Variants in MTARC1 observed in about 807,000 individuals in gnomAD.
The protein encoded by MTARC1 is mitochondrial amidoxime-reducing component 1.
In MTARC1, 24 loss-of-function variants were observed where a neutral mutation model predicts 33.6. The ratio of observed to expected loss-of-function variants is 0.72; its 90% confidence interval spans 0.52 to 1.01. The LOEUF is 1.01. MTARC1 is among the 50% of genes least tolerant of loss of function. The pLI, the probability that MTARC1 is intolerant of heterozygous loss-of-function variation, is 0.00. For missense variants in MTARC1, 417 were observed against 445.7 expected (o/e 0.94, Z 0.58); for synonymous variants, 187 against 189.5 (o/e 0.99, Z 0.11).
At chr1:220,799,872 A>G (rs1466441542) in intron 4 of MTARC1, among the ~76,000 whole-genome samples, 1 of 152,236 alleles carries the variant, frequency 6.6e-6, no homozygotes, top group Non-Finnish European at 1.5e-5. Flanking sequence ...GGCAGTTTCA[A>G]TGACTCCCTC....
rs1673310316 is a variant in MTARC1, at chr1:220,817,710, C to T, written c.*4292C>T. 1 of 152,442 alleles carries T rather than the reference C, an allele frequency of 6.6e-6. No homozygotes were observed. The highest frequency in any genetic ancestry group is 1.5e-5 in the Non-Finnish European group (1 of 68,278). The allele number at this position is 152,442 out of a possible 1,614,324, so 9.4% of individuals were successfully genotyped here. A position where few individuals can be genotyped will look rare whatever the true frequency, so the allele number is the denominator to read the frequency against. On this transcript the variant is annotated 3_prime_UTR_variant, in exon 7 of 7. Coordinates refer to ENST00000366910, the MANE Select transcript of MTARC1 (RefSeq NM_022746.4). The stretch of plus-strand genomic sequence containing the variant: ...ACCCAGGAAGTCCAGCTGGCTTCAC[C>T]TCTCACTGGGACTACAGGTGCACAC...
rs758011445 is a variant in MTARC1 at position 220,797,879 on chromosome 1, T to C, written c.618T>C (p.Ala206=). ...AATGTCTATTTCCTTATCAGATTGC[T>C]TACTCAGACACCAGCCCATTCTTGA... ...ADLFRPKDQI[A]YSDTSPFLIL... is the part of the protein sequence containing the mutation. The change falls in exon 4 of 7, where the codon GCT becomes GCC. Residue 206 remains alanine, a synonymous_variant. Transcript: ENST00000366910. The C allele has an allele frequency of 1.2e-6, 2 of 1,614,200 alleles. No individual in the cohort carries two copies. The highest frequency in any genetic ancestry group is 3.3e-5 in the Admixed American group (2 of 60,032).
rs1240553398 is a variant in MTARC1, at chr1:220,798,992, A to G, written c.753+978A>G. On this transcript the variant is annotated intron_variant, in intron 4 of 6. Transcript: ENST00000366910. Reference sequence around the variant, plus strand: ...ACCAGAAGATGTGACGGCTGGTTTCAGCTTCTGCACTGGCTTCTGCATGAC... The same window carrying G: ...ACCAGAAGATGTGACGGCTGGTTTCGGCTTCTGCACTGGCTTCTGCATGAC... 7.1e-6 allele frequency: 7 copies of G among 985,264 alleles called. No homozygotes were observed. In the African/African-American group the frequency reaches 1.2e-4, roughly 17 times the overall value. The allele number at this position is 985,264 out of a possible 1,614,324, so 61.0% of individuals were successfully genotyped here.
Position 220,817,555 on chromosome 1 carries a change from C to T in MTARC1, c.*4137C>T, listed in dbSNP as rs143480582. The stretch of plus-strand genomic sequence containing the variant: ...GCATTTACAATCCTTTAGCTAGACA[C>T]AGAGTGCCGATTGGTGAGTTTTTAC... On this transcript the variant is annotated 3_prime_UTR_variant, in exon 7 of 7. Transcript: ENST00000366910. The T allele has an allele frequency of 1.1e-5, 1 of 92,530 alleles. No homozygotes were observed. The highest frequency in any genetic ancestry group is 3.2e-5 in the African/African-American group (1 of 31,430). The allele number at this position is 92,530 out of a possible 1,614,324, so 5.7% of individuals were successfully genotyped here.
At chr1:220,806,726 G>A (rs774488389) in intron 6 of MTARC1, among the ~76,000 whole-genome samples, 31 of 152,338 alleles carry the variant, frequency 2.0e-4, no homozygotes, top group Middle Eastern at 3.4e-3. Context: ...GCATGAGGCT[G>A]TGGCCTGACC....
At chr1:220,804,936 C>A in intron 4 of MTARC1, 116 bp from the exon 5 acceptor site, 30 of 1,096,444 alleles carry the variant, frequency 2.7e-5, no homozygotes, top group Non-Finnish European at 4.1e-5. Flanking sequence ...GAACAGAAGG[C>A]TGCCATCACT....
rs6669217 is a variant in MTARC1, at chr1:220,796,562, C to A, written c.450-81C>A. 4,299 of 1,430,118 alleles carry A rather than the reference C, an allele frequency of 3.0e-3. 47 individuals are homozygous for A. The African/African-American group carries it at 0.036, about 12-fold the overall frequency. 88.6% of individuals were successfully genotyped at this position (1,430,118 alleles called of 1,614,324 possible). ...ACAGTAATGTTACAGCTAGGAGCAG[C>A]TTTTCTGATATAGCTGGCACATATT... is the stretch of plus-strand genomic sequence containing the variant. On this transcript the variant is annotated intron_variant, in intron 2 of 6. Transcript: ENST00000366910.
chr1:220,804,560 C>T (rs993484302), intron 4 of MTARC1, among the ~76,000 whole-genome samples: 1 of 152,090 alleles, frequency 6.6e-6, no homozygotes, highest in Admixed American at 6.6e-5. Context: ...GGCTGCTGGT[C>T]CTGCTCCTGA....
intron 4 of MTARC1, among the ~76,000 whole-genome samples, chr1:220,803,167 G>A (rs1167084439): frequency 2.6e-5 from 4 of 152,324 alleles, no homozygotes; most frequent in Non-Finnish European, 1.5e-5. Flanking sequence ...CATGGCAGAA[G>A]GTGAAGGAGA....
chr1:220,791,464 A>G, intron 1 of MTARC1, 27 bp from the exon 2 acceptor site: 1 of 1,611,412 alleles, frequency 6.2e-7, no homozygotes, highest in Non-Finnish European at 8.5e-7. Flanking sequence ...AATGGTTCAC[A>G]CATATCCTGT....
In MTARC1 at chr1:220,818,735, G is replaced by A. The variant is rs1388419456; in HGVS notation, c.*5317G>A. The A allele has an allele frequency of 6.6e-6, 1 of 152,144 alleles. No homozygotes were observed. Among genetic ancestry groups the A allele is most frequent in the Non-Finnish European group, 1.5e-5 (1 of 68,024 alleles). 9.4% of individuals were successfully genotyped at this position (152,144 alleles called of 1,614,324 possible). A position where few individuals can be genotyped will look rare whatever the true frequency, so the allele number is the denominator to read the frequency against. ...CTGGGAGTACTGTAAATAAACTATT[G>A]TTGTTATAATTATTTCTGATTAACA... is the stretch of plus-strand genomic sequence containing the variant. On this transcript the variant is annotated 3_prime_UTR_variant, in exon 7 of 7. Coordinates refer to ENST00000366910, the MANE Select transcript of MTARC1 (RefSeq NM_022746.4).
At chr1:220,813,160 C>G (rs550908855) in intron 6 of MTARC1, 132 bp from the exon 7 acceptor site, 1 of 1,228,144 alleles carries the variant, frequency 8.1e-7, no homozygotes, top group East Asian at 2.3e-5. Context: ...AGGCGCTGTT[C>G]TGTTGAGCTT....
At chr1:220,799,710 T>A (rs992454864) in intron 4 of MTARC1, among the ~76,000 whole-genome samples, 3 of 152,130 alleles carry the variant, frequency 2.0e-5, no homozygotes, top group Non-Finnish European at 2.9e-5. Context: ...ACCCCAATTG[T>A]ACAAGGCCAG....
At chr1:220,808,020 T>G (rs1044492762) in intron 6 of MTARC1, among the ~76,000 whole-genome samples, 2 of 152,128 alleles carry the variant, frequency 1.3e-5, no homozygotes, top group African/African-American at 4.8e-5. Flanking sequence ...AATAGATGAT[T>G]CTGTGTAAAT....
rs1303103778 is a variant in MTARC1 at position 220,818,023 on chromosome 1, C to G, written c.*4605C>G. The G allele has an allele frequency of 1.3e-5, 2 of 152,196 alleles. No individual in the cohort carries two copies. The highest frequency in any genetic ancestry group is 1.5e-5 in the Non-Finnish European group (1 of 68,044). The allele number at this position is 152,196 out of a possible 1,614,324, so 9.4% of individuals were successfully genotyped here. A position where few individuals can be genotyped will look rare whatever the true frequency, so the allele number is the denominator to read the frequency against. On this transcript the variant is annotated 3_prime_UTR_variant, in exon 7 of 7. Transcript: ENST00000366910. ...TACTGTGCTTTGCTGTCTGCAAGAA[C>G]AGAGATTGTTTGCTTCAACCACTTT...
intron 3 of MTARC1, 27 bp downstream of exon 3, chr1:220,796,832 T>G: frequency 6.4e-7 from 1 of 1,572,118 alleles, no homozygotes; most frequent in Non-Finnish European, 8.6e-7. Flanking sequence ...CCTCCATGGG[T>G]AGAAAGCAGT....
At chr1:220,795,781 G>T (rs1052768300) in intron 2 of MTARC1, among the ~76,000 whole-genome samples, 6 of 152,190 alleles carry the variant, frequency 3.9e-5, no homozygotes, top group African/African-American at 7.2e-5. Context: ...TGGACCTAAG[G>T]TGTGTTCTTT....
At chr1:220,787,246 G>A (rs1672263784) in intron 1 of MTARC1, 27 bp downstream of exon 1, 1 of 1,544,132 alleles carries the variant, frequency 6.5e-7, no homozygotes, top group Non-Finnish European at 8.7e-7. Context: ...GCGCGGGGCA[G>A]CGCTGATCCG....
chr1:220,809,504 T>G (rs1673064481), intron 6 of MTARC1, among the ~76,000 whole-genome samples: 2 of 152,008 alleles, frequency 1.3e-5, no homozygotes. Context: ...TTTAATTTAA[T>G]TTAATTTAAT....
Sources: gnomAD v4.1 joint callset for allele counts (sites outside exome capture counted in the v4.1 genomes callset) on GRCh38, gnomAD v4.1.1 for gene constraint, MANE v1.5 for transcripts, NCBI Gene and HGNC (gene_info 2026-07-23, HGNC 2026-07-21) for gene names.